ACYP2: variants seen among roughly 807,000 people sequenced by gnomAD.
ACYP2 encodes the protein acylphosphatase-2.
In ACYP2, 12 loss-of-function variants were observed where a neutral mutation model predicts 11.2. The ratio of observed to expected loss-of-function variants is 1.08; its 90% CI spans 0.69 to 1.74. The LOEUF (loss-of-function observed/expected upper bound fraction) is 1.74, where lower values mean the gene tolerates loss of function less well. Among genes scored for constraint, ACYP2 ranks in the 40% most tolerant of loss-of-function variants. ACYP2 has a pLI of 0.00. For missense variants in ACYP2, 134 were observed against 101.9 expected (o/e 1.31, Z -1.35); for synonymous variants, 43 against 32.2 (o/e 1.33, Z -1.13).
At chr2:54,021,911 C>A (rs748944337) in intron 2 of ACYP2, among the ~76,000 whole-genome samples, 5 of 152,222 alleles carry the variant, frequency 3.3e-5, no homozygotes, top group East Asian at 1.9e-4. Context: ...TGAAGACGGG[C>A]ACATTTTAAG....
chr2:54,146,161 AT>A (rs1405278553), intron 6 of ACYP2, among the ~76,000 whole-genome samples: 2 of 152,196 alleles, frequency 1.3e-5, no homozygotes, highest in South Asian at 2.1e-4. Flanking sequence ...CACACTAAGA[AT>A]TTTGAAGGCA....
At chr2:54,237,562 G>A (rs1415781888) in intron 6 of ACYP2, among the ~76,000 whole-genome samples, 1 of 151,948 alleles carries the variant, frequency 6.6e-6, no homozygotes, top group East Asian at 1.9e-4. Flanking sequence ...ATATTCCTTC[G>A]GCACTTTGAA....
At chr2:54,046,751 C>T (rs576014076) in intron 2 of ACYP2, among the ~76,000 whole-genome samples, 1 of 152,224 alleles carries the variant, frequency 6.6e-6, no homozygotes, top group Admixed American at 6.5e-5. Flanking sequence ...TGGTTCAATG[C>T]CTCACTATTA....
At chr2:54,201,680 T>TTCTTTCTTTCTTTCTGTC (rs1395606887) in intron 6 of ACYP2, among the ~76,000 whole-genome samples, 5 of 107,366 alleles carry the variant, frequency 4.7e-5, no homozygotes, top group Admixed American at 9.0e-5. Context: ...CTTTCTTTCT[T>TTCTTTCTTTCTTTCTGTC]TCTCTCTCTC....
intron 6 of ACYP2, among the ~76,000 whole-genome samples, chr2:54,294,496 A>G (rs924688985): frequency 6.6e-6 from 1 of 152,180 alleles, no homozygotes; most frequent in Non-Finnish European, 1.5e-5. Flanking sequence ...GCAGGTAGAC[A>G]TACACATGAG....
intron 6 of ACYP2, among the ~76,000 whole-genome samples, chr2:54,266,520 G>T (rs532490823): frequency 2.0e-5 from 3 of 147,416 alleles, no homozygotes; most frequent in Non-Finnish European, 4.5e-5. Context: ...AAACTGAGGT[G>T]CAGAAATATA....
intron 2 of ACYP2, among the ~76,000 whole-genome samples, chr2:53,984,692 A>G (rs1195360524): frequency 2.6e-5 from 4 of 151,408 alleles, no homozygotes; most frequent in Non-Finnish European, 5.9e-5. Context: ...GGGACCAAGC[A>G]AGGTTTATTG....
chr2:54,192,943 C>T (rs1015636633), intron 6 of ACYP2, among the ~76,000 whole-genome samples: 1 of 152,172 alleles, frequency 6.6e-6, no homozygotes, highest in Non-Finnish European at 1.5e-5. Flanking sequence ...GTTACCTCCA[C>T]CTGGTCCTAC....
At chr2:54,177,908 T>A (rs1212670043) in intron 6 of ACYP2, among the ~76,000 whole-genome samples, 18 of 141,006 alleles carry the variant, frequency 1.3e-4, no homozygotes, top group East Asian at 2.0e-4. Context: ...TTTCTTTATT[T>A]TTTTTTTTTT....
chr2:54,138,091 G>A (rs1478736985), intron 5 of ACYP2, among the ~76,000 whole-genome samples: 1 of 110,708 alleles, frequency 9.0e-6, no homozygotes, highest in East Asian at 2.4e-4. Context: ...CTTTTGAGAA[G>A]TGTCCATGTC....
rs1491242638 is a variant in ACYP2, at chr2:54,201,603, T to TCC, written c.404+62856_404+62857insCC. Reference sequence around the variant, plus strand: ...TTCTTTTTCTTTCTTTCTCTTTCTTTCTTTCTTTCTTTCTTTCTTTGTTTC... The same window carrying TCC: ...TTCTTTTTCTTTCTTTCTCTTTCTTTCCCTTTCTTTCTTTCTTTCTTTGTTTC... On this transcript the variant is annotated intron_variant, in intron 6 of 6. Coordinates refer to ENST00000607452, the MANE Select transcript of ACYP2 (RefSeq NM_001320586.2). 7.0e-4 allele frequency among the ~76,000 whole-genome samples: 61 copies of TCC among 86,608 alleles called. 2 individuals carry two copies. The highest frequency in any genetic ancestry group is 2.5e-3 in the African/African-American group (56 of 22,372). 56.8% of individuals were successfully genotyped at this position (86,608 alleles called of 152,430 possible).
chr2:53,972,058 C>A (rs868771626), intron 1 of ACYP2, among the ~76,000 whole-genome samples: 1 of 152,180 alleles, frequency 6.6e-6, no homozygotes, highest in Non-Finnish European at 1.5e-5. Flanking sequence ...GCCTGTAATC[C>A]CAGCACTTTG....
chr2:54,188,374 G>A (rs907984261), intron 6 of ACYP2, among the ~76,000 whole-genome samples: 17 of 152,088 alleles, frequency 1.1e-4, no homozygotes, highest in African/African-American at 3.4e-4. Flanking sequence ...ATCTCAGTTC[G>A]TATAACTTGA....
At chr2:53,974,236 G>C (rs372690954) in intron 2 of ACYP2, among the ~76,000 whole-genome samples, 1 of 152,032 alleles carries the variant, frequency 6.6e-6, no homozygotes, top group African/African-American at 2.4e-5. Context: ...ATTTAAATAT[G>C]GATGAAAAGG....
At chr2:54,050,130 T>G (rs1183215460) in intron 2 of ACYP2, among the ~76,000 whole-genome samples, 1 of 152,226 alleles carries the variant, frequency 6.6e-6, no homozygotes, top group African/African-American at 2.4e-5. Flanking sequence ...ATCAAATTTT[T>G]TTCTTTTTTT....
intron 6 of ACYP2, among the ~76,000 whole-genome samples, chr2:54,259,975 A>G (rs1687710220): frequency 6.6e-6 from 1 of 152,236 alleles, no homozygotes; most frequent in African/African-American, 2.4e-5. Flanking sequence ...TGTGTAAAGA[A>G]GCAGGTTGAT....
chr2:54,251,123 G>A (rs1687204807), intron 6 of ACYP2, among the ~76,000 whole-genome samples: 1 of 152,170 alleles, frequency 6.6e-6, no homozygotes, highest in African/African-American at 2.4e-5. Context: ...CTGAAAAACT[G>A]TGATAAAGGT....
chr2:54,226,820 A>T (rs1686029868), intron 6 of ACYP2, among the ~76,000 whole-genome samples: 1 of 152,248 alleles, frequency 6.6e-6, no homozygotes, highest in Admixed American at 6.5e-5. Flanking sequence ...TTTCTAAATT[A>T]GAGTTTGAGA....
intron 6 of ACYP2, among the ~76,000 whole-genome samples, chr2:54,246,848 A>G (rs1435896530): frequency 6.6e-6 from 1 of 152,178 alleles, no homozygotes; most frequent in Non-Finnish European, 1.5e-5. Context: ...GGTATATTTT[A>G]TCAAGTTAAG....
Sources: gnomAD v4.1 joint callset for allele counts (sites outside exome capture counted in the v4.1 genomes callset) on GRCh38, gnomAD v4.1.1 for gene constraint, MANE v1.5 for transcripts, NCBI Gene and HGNC (gene_info 2026-07-23, HGNC 2026-07-21) for gene names.